Variants in KCNN2 observed in about 807,000 individuals in gnomAD.
KCNN2 encodes the protein potassium calcium-activated channel subfamily N member 2, also known as small conductance calcium-activated potassium channel protein 2.
A neutral mutation model predicts 55.5 loss-of-function variants in KCNN2; 24 were observed. The ratio of observed to expected loss-of-function variants is 0.43; its 90% CI spans 0.31 to 0.61. The LOEUF is 0.61. Ranked by LOEUF, KCNN2 falls within the 20% of genes least tolerant of loss-of-function variation. KCNN2 has a pLI of 0.08. For missense variants in KCNN2, 754 were observed against 853.6 expected, an observed-to-expected ratio of 0.88 and a Z score of 1.45; for synonymous variants, 431 against 336.1, an observed-to-expected ratio of 1.28 and a Z score of -3.09.
intron 2 of KCNN2, among the ~76,000 whole-genome samples, 184 bp downstream of exon 2, chr5:114,364,185 G>T (rs1268297230): frequency 6.6e-6 from 1 of 152,210 alleles, no homozygotes; most frequent in Non-Finnish European, 1.5e-5. Context: ...ACACAAGGCA[G>T]GGTAGCATAT....
chr5:114,121,832 C>T (rs1751835795), intron 1 of KCNN2, among the ~76,000 whole-genome samples: 1 of 152,156 alleles, frequency 6.6e-6, no homozygotes, highest in Non-Finnish European at 1.5e-5. Context: ...CTCCTTTTAC[C>T]CCCACCTGGG....
At chr5:114,426,950 A>G (rs1032619524) in intron 3 of KCNN2, among the ~76,000 whole-genome samples, 2 of 152,218 alleles carry the variant, frequency 1.3e-5, no homozygotes, top group African/African-American at 4.8e-5. Flanking sequence ...ACACACTCAC[A>G]GCGGAAAGGA....
At chr5:114,270,498 T>C (rs1755305471) in intron 2 of KCNN2, among the ~76,000 whole-genome samples, 1 of 152,208 alleles carries the variant, frequency 6.6e-6, no homozygotes, top group African/African-American at 2.4e-5. Context: ...TTATCTGGCA[T>C]CTTTTGGGAT....
intron 3 of KCNN2, among the ~76,000 whole-genome samples, chr5:114,422,716 T>C (rs1013665642): frequency 3.3e-5 from 5 of 152,194 alleles, no homozygotes; most frequent in Non-Finnish European, 7.3e-5. Context: ...AGTCTGACCA[T>C]GTGGTCTCCT....
intron 3 of KCNN2, among the ~76,000 whole-genome samples, chr5:114,411,558 G>C (rs778591507): frequency 6.6e-6 from 1 of 152,126 alleles, no homozygotes; most frequent in Non-Finnish European, 1.5e-5. Flanking sequence ...AGAGATGCAG[G>C]TGCAAGTCCT....
rs1841251 is a variant in KCNN2 at position 114,493,424 on chromosome 5, G to A, written c.2040G>A (p.Glu680=). ...TTAGATTAAGAAGTGTAAAAATGGA[G>A]CAGAGGAAACTGAATGACCAAGCAA... The part of the protein sequence containing the change: ...AIHQLRSVKM[E]QRKLNDQANT... Residue 680 remains glutamate (E), a synonymous_variant, in exon 7 of 8, where the codon GAG becomes GAA. Transcript: ENST00000673685. The A allele has an allele frequency of 5.0e-3, 8,023 of 1,605,404 alleles. 355 individuals are homozygous for A. In the African/African-American group the frequency reaches 0.095, roughly 19 times the overall value.
At chr5:114,323,451 G>A (rs1346977591) in intron 2 of KCNN2, among the ~76,000 whole-genome samples, 1 of 151,908 alleles carries the variant, frequency 6.6e-6, no homozygotes, top group Non-Finnish European at 1.5e-5. Context: ...AGCCACTTAA[G>A]CTCTTAAATC....
chr5:114,248,998 A>T (rs1754804814), intron 2 of KCNN2, among the ~76,000 whole-genome samples: 1 of 152,190 alleles, frequency 6.6e-6, no homozygotes, highest in South Asian at 2.1e-4. Context: ...GCAATGAATG[A>T]TCACCCTAGT....
At chr5:114,376,762 C>T (rs1016572901) in intron 2 of KCNN2, among the ~76,000 whole-genome samples, 10 of 152,170 alleles carry the variant, frequency 6.6e-5, no homozygotes, top group South Asian at 4.1e-4. Context: ...TTTTCCTTAC[C>T]GAGGAGATAA....
intron 2 of KCNN2, among the ~76,000 whole-genome samples, chr5:114,298,055 G>A (rs1457756): frequency 2.6e-5 from 4 of 152,052 alleles, no homozygotes; most frequent in Admixed American, 2.6e-4. Context: ...TTAGGAGTTA[G>A]TGTATGTCAA....
chr5:114,173,874 G>A (rs1753088258), intron 1 of KCNN2, among the ~76,000 whole-genome samples: 1 of 151,712 alleles, frequency 6.6e-6, no homozygotes, highest in Non-Finnish European at 1.5e-5. Flanking sequence ...CACTGAGATG[G>A]CAGATTCACT....
chr5:114,288,486 T>TTA (rs372065101), intron 2 of KCNN2, among the ~76,000 whole-genome samples: 1,522 of 141,256 alleles, frequency 0.011, 30 homozygotes, highest in African/African-American at 0.036. Context: ...TGCCATTACT[T>TTA]TATATATATA....
intron 1 of KCNN2, among the ~76,000 whole-genome samples, chr5:114,079,967 T>A (rs148493188): frequency 0.013 from 1,996 of 152,248 alleles, 19 homozygotes; most frequent in Non-Finnish European, 0.02. Context: ...ATGATTTTTT[T>A]ATTCACTTTC....
chr5:114,230,131 T>A (rs535551685), intron 2 of KCNN2, among the ~76,000 whole-genome samples: 1 of 152,282 alleles, frequency 6.6e-6, no homozygotes, highest in Non-Finnish European at 1.5e-5. Flanking sequence ...AATTTTGTCC[T>A]TTAAATGTAT....
intron 2 of KCNN2, among the ~76,000 whole-genome samples, chr5:114,272,573 A>G (rs1311399796): frequency 1.3e-5 from 2 of 152,170 alleles, no homozygotes; most frequent in East Asian, 3.8e-4. Context: ...TAAATGCTCT[A>G]TAAACTCCAG....
At chr5:114,129,902 C>T (rs1172756812) in intron 1 of KCNN2, among the ~76,000 whole-genome samples, 1 of 152,164 alleles carries the variant, frequency 6.6e-6, no homozygotes, top group Non-Finnish European at 1.5e-5. Flanking sequence ...CTAGGACCTC[C>T]AAACACATCA....
chr5:114,431,124 C>CA (rs1561379368), intron 3 of KCNN2, among the ~76,000 whole-genome samples: 1 of 152,042 alleles, frequency 6.6e-6, no homozygotes, highest in Non-Finnish European at 1.5e-5. Context: ...CTTACCCCCC[C>CA]ATCCCGGCTT....
At chr5:114,124,695 G>C (rs1580534830) in intron 1 of KCNN2, among the ~76,000 whole-genome samples, 2 of 152,260 alleles carry the variant, frequency 1.3e-5, no homozygotes, top group Admixed American at 6.5e-5. Context: ...CACAATTGCT[G>C]TCTCCTCTAT....
chr5:114,161,897 A>G (rs1752794052), intron 1 of KCNN2, among the ~76,000 whole-genome samples: 3 of 152,216 alleles, frequency 2.0e-5, no homozygotes, highest in South Asian at 2.1e-4. Context: ...CTAGTTAGCC[A>G]TTCGTCTAGT....
Sources: gnomAD v4.1 joint callset for allele counts (sites outside exome capture counted in the v4.1 genomes callset) on GRCh38, gnomAD v4.1.1 for gene constraint, MANE v1.5 for transcripts, NCBI Gene and HGNC (gene_info 2026-07-23, HGNC 2026-07-21) for gene names.